Variants in ZNF236 observed in about 807,000 individuals in gnomAD.
ZNF236 encodes the protein zinc finger protein 236.
In ZNF236, 50 loss-of-function variants were observed where a neutral mutation model predicts 191.2. The observed-to-expected ratio is 0.26, with a 90% CI of 0.21 to 0.33. The LOEUF (loss-of-function observed/expected upper bound fraction) is 0.33, where lower values mean the gene tolerates loss of function less well. ZNF236 is among the 10% of genes least tolerant of loss of function. The pLI is 1.00. For synonymous variants in ZNF236, 907 were observed against 928.8 expected, an observed-to-expected ratio of 0.98 and a Z score of 0.43; for missense variants, 1,754 against 2,374.5, an observed-to-expected ratio of 0.74 and a Z score of 5.43.
chr18:76,950,773 C>CT (rs1297183017), intron 27 of ZNF236, among the ~76,000 whole-genome samples: 1 of 152,230 alleles, frequency 6.6e-6, no homozygotes, highest in Non-Finnish European at 1.5e-5. Flanking sequence ...CAGATTTTCA[C>CT]TTTACTTTGC....
chr18:76,843,405 T>C (rs1320572062), intron 1 of ZNF236, among the ~76,000 whole-genome samples: 2 of 152,114 alleles, frequency 1.3e-5, no homozygotes, highest in Non-Finnish European at 2.9e-5. Context: ...CCTGATAAAG[T>C]CCAGCTGTGT....
intron 26 of ZNF236, among the ~76,000 whole-genome samples, chr18:76,939,616 A>G (rs1356953175): frequency 6.6e-6 from 1 of 152,188 alleles, no homozygotes; most frequent in African/African-American, 2.4e-5. Flanking sequence ...ACTCAGAGTC[A>G]TTTGTCTTTC....
chr18:76,855,806 A>T (rs12961878), intron 3 of ZNF236, among the ~76,000 whole-genome samples: 36,024 of 151,966 alleles, frequency 0.24, 5,361 homozygotes, highest in East Asian at 0.33. Context: ...GCTGCCGAAC[A>T]CCCTGCAGTG....
chr18:76,906,129 GC>G (rs1977734168), intron 13 of ZNF236, among the ~76,000 whole-genome samples: 1 of 152,198 alleles, frequency 6.6e-6, no homozygotes, highest in African/African-American at 2.4e-5. Context: ...AGATATGTCT[GC>G]CTGGATGTCG....
chr18:76,908,194 G>T, intron 13 of ZNF236, 126 bp from the exon 14 acceptor site: 1 of 1,296,696 alleles, frequency 7.7e-7, no homozygotes. Context: ...TTGCCATCAT[G>T]ACTTCAAAAT....
At chr18:76,824,071 A>G in intron 1 of ZNF236, 1 of 511,048 alleles carries the variant, frequency 2.0e-6, no homozygotes, top group Non-Finnish European at 3.5e-6. Context: ...TTAGTGACTC[A>G]AGTGTTCCCC....
intron 15 of ZNF236, 94 bp downstream of exon 15, chr18:76,910,263 T>C (rs1172160893): frequency 2.8e-6 from 3 of 1,068,098 alleles, no homozygotes; most frequent in Admixed American, 4.9e-5. Flanking sequence ...CTTAAGGCCC[T>C]TCTAAAGTGT....
At position 76,925,441 on chromosome 18, in the gene ZNF236, C is replaced by G; in HGVS notation, c.3914C>G (p.Ser1305Cys). Reference sequence around the variant, plus strand: ...CCTGTAAACCTCCTCAACTCCTCCTCTACTGACCCAAACGTGTTTATCATG... The same window carrying G: ...CCTGTAAACCTCCTCAACTCCTCCTGTACTGACCCAAACGTGTTTATCATG... Reference protein sequence around the residue: ...LQPVNLLNSSSTDPNVFIMNN... With the variant: ...LQPVNLLNSSCTDPNVFIMNN... Residue 1305 changes from serine (S) to cysteine (C), a missense_variant, in exon 22 of 31, where the codon TCT (serine) becomes TGT (cysteine). This residue lies in a region of ZNF236 where 606 missense variants were observed against 761.5 expected (regional missense o/e 0.80). Coordinates refer to ENST00000320610, the MANE Select transcript of ZNF236 (RefSeq NM_001306089.2). This position sits in a 1 kb window ranked among gnomAD's most constrained non-coding sequence, Gnocchi z 5.7. The G allele has an allele frequency of 6.2e-7, 1 of 1,614,258 alleles. No individual in the cohort carries two copies. Among genetic ancestry groups the G allele is most frequent in the Non-Finnish European group, 8.5e-7 (1 of 1,180,050 alleles).
chr18:76,962,185 T>G (rs553296636), intron 30 of ZNF236, among the ~76,000 whole-genome samples: 1 of 152,380 alleles, frequency 6.6e-6, no homozygotes, highest in African/African-American at 2.4e-5. Flanking sequence ...AGAATTTTTA[T>G]AGTTTCAGGT....
At chr18:76,889,952 T>C (rs2122684519) in intron 9 of ZNF236, among the ~76,000 whole-genome samples, 1 of 152,366 alleles carries the variant, frequency 6.6e-6, no homozygotes, top group South Asian at 2.1e-4. Context: ...ACTTGATATC[T>C]TATTTTTCAA....
At chr18:76,829,517 G>A (rs561242317) in intron 1 of ZNF236, among the ~76,000 whole-genome samples, 1 of 152,138 alleles carries the variant, frequency 6.6e-6, no homozygotes, top group African/African-American at 2.4e-5. Context: ...TTGTAGAGAT[G>A]GGGTTTCGCC....
intron 26 of ZNF236, among the ~76,000 whole-genome samples, chr18:76,945,096 C>G (rs1968224980): frequency 1.3e-5 from 2 of 152,164 alleles, no homozygotes. Context: ...CCTCTTAACC[C>G]TGACATCTGC....
intron 11 of ZNF236, 42 bp downstream of exon 11, chr18:76,899,264 T>C (rs1298380176): frequency 6.5e-7 from 1 of 1,538,638 alleles, no homozygotes; most frequent in Admixed American, 1.8e-5. Flanking sequence ...TATTGAGTAC[T>C]ATTTTCTTTG....
intron 16 of ZNF236, among the ~76,000 whole-genome samples, chr18:76,911,937 A>T (rs1038026521): frequency 2.0e-5 from 3 of 152,236 alleles, no homozygotes; most frequent in Non-Finnish European, 4.4e-5. Context: ...ATTCACTGTC[A>T]GTAAGAGTAG....
Position 76,852,063 on chromosome 18 carries a change from A to G in ZNF236, c.363+124A>G, listed in dbSNP as rs566633853. On this transcript the variant is annotated intron_variant, in intron 3 of 30. Coordinates refer to ENST00000320610, the MANE Select transcript of ZNF236 (RefSeq NM_001306089.2). Reference sequence around the variant, plus strand: ...CTTTTGTGTAGATTTCAAGGAGTGAATTGTCATTAGATTTGCCTTGACACC... The same window carrying G: ...CTTTTGTGTAGATTTCAAGGAGTGAGTTGTCATTAGATTTGCCTTGACACC... 1.4e-5 allele frequency: 14 copies of G among 1,011,712 alleles called. No individual in the cohort carries two copies. In the African/African-American group the frequency reaches 1.6e-4, roughly 12 times the overall value. 62.7% of individuals were successfully genotyped at this position (1,011,712 alleles called of 1,614,324 possible). A position where few individuals can be genotyped will look rare whatever the true frequency, so the allele number is the denominator to read the frequency against.
chr18:76,834,832 G>A, intron 1 of ZNF236: 4 of 465,884 alleles, frequency 8.6e-6, no homozygotes, highest in South Asian at 4.9e-5. Flanking sequence ...AAGGTGCATT[G>A]AAATGCCTTT....
At chr18:76,955,930 A>G (rs1344857285) in intron 27 of ZNF236, 55 bp from the exon 28 acceptor site, 25 of 1,561,772 alleles carry the variant, frequency 1.6e-5, no homozygotes, top group African/African-American at 1.3e-5. Flanking sequence ...TCAGTTCACA[A>G]ACTGCACAAA....
chr18:76,917,858 A>G (rs942394066), intron 19 of ZNF236, among the ~76,000 whole-genome samples: 3 of 152,042 alleles, frequency 2.0e-5, no homozygotes, highest in African/African-American at 7.2e-5. Context: ...AGTTTGCTGT[A>G]TCTTTTTCTG....
chr18:76,849,696 A>C, intron 2 of ZNF236, 28 bp downstream of exon 2: 1 of 1,483,122 alleles, frequency 6.7e-7, no homozygotes, highest in Non-Finnish European at 9.0e-7. Flanking sequence ...TGATGTCAGG[A>C]ATGTGAGCGT....
Sources: allele counts gnomAD v4.1 joint callset (sites outside exome capture counted in the v4.1 genomes callset), GRCh38; gene constraint gnomAD v4.1.1; regional missense constraint gnomAD v4.1.1; non-coding constraint Gnocchi (gnomAD v3.1); transcripts MANE v1.5; gene names NCBI Gene and HGNC (gene_info 2026-07-23, HGNC 2026-07-21).